Variants in LRRIQ1 observed in about 807,000 individuals in gnomAD.
LRRIQ1 encodes leucine-rich repeat- and IQ domain-containing protein 1.
LRRIQ1 carries 210 observed loss-of-function variants against 211.9 expected under a neutral mutation model. The observed-to-expected ratio is 0.99, with a 90% CI of 0.89 to 1.11. The LOEUF is 1.11. Among genes scored for constraint, LRRIQ1 ranks in the 50% most tolerant of loss-of-function variants. The pLI, the probability that LRRIQ1 is intolerant of heterozygous loss-of-function variation, is 0.00. For synonymous variants in LRRIQ1, 699 were observed against 650.1 expected (o/e 1.08, Z -1.14); for missense variants, 2,136 against 1,939.5 (o/e 1.10, Z -1.90).
rs1174689665 is a variant in LRRIQ1 at position 85,047,174 on chromosome 12, C to T, written c.455-73C>T. ...AATTAAAAAAAAATTAAAAAAATTA[C>T]TTTTATACTTTGAATTAGTTTTGAC... On this transcript the variant is annotated intron_variant, in intron 5 of 26. Transcript: ENST00000393217. The T allele has an allele frequency of 4.5e-6, 5 of 1,110,076 alleles. No individual in the cohort carries two copies. In the East Asian group the frequency reaches 1.0e-4, roughly 22 times the overall value. 68.8% of individuals were successfully genotyped at this position (1,110,076 alleles called of 1,614,324 possible).
chr12:85,200,085 T>C (rs1011910399), intron 24 of LRRIQ1, among the ~76,000 whole-genome samples: 28 of 152,220 alleles, frequency 1.8e-4, no homozygotes, highest in African/African-American at 6.8e-4. Flanking sequence ...ACAATATTGA[T>C]TCTTCCTATG....
chr12:85,236,821 G>GTGCATATATATA, intron 26 of LRRIQ1, among the ~76,000 whole-genome samples: 1 of 87,638 alleles, frequency 1.1e-5, no homozygotes, highest in Non-Finnish European at 2.0e-5. Flanking sequence ...ATATGTATGT[G>GTGCATATATATA]TATGTGTGCA....
At chr12:85,257,050 ATATATAAT>A (rs1252642343) in intron 1 of LRRIQ1, among the ~76,000 whole-genome samples, 13 of 116,018 alleles carry the variant, frequency 1.1e-4, no homozygotes, top group Admixed American at 4.6e-4. Context: ...ATATAATTAT[ATATATAAT>A]TATATAATTA....
intron 15 of LRRIQ1, among the ~76,000 whole-genome samples, chr12:85,119,029 G>A (rs575770433): frequency 4.0e-4 from 61 of 152,078 alleles, no homozygotes; most frequent in African/African-American, 1.4e-3. Context: ...GTCACTCAAT[G>A]CCCGTAGTTT....
intron 24 of LRRIQ1, among the ~76,000 whole-genome samples, chr12:85,202,019 A>G (rs1893324118): frequency 6.6e-6 from 1 of 152,016 alleles, no homozygotes; most frequent in Admixed American, 6.6e-5. Context: ...CAAATAATTG[A>G]TTTCTGCCTT....
intron 26 of LRRIQ1, among the ~76,000 whole-genome samples, chr12:85,243,333 T>G (rs2137267183): frequency 6.8e-6 from 1 of 146,396 alleles, no homozygotes; most frequent in African/African-American, 2.5e-5. Context: ...TTATTATTAT[T>G]ATTATTATTA....
At chr12:85,209,101 G>A (rs927384606) in intron 24 of LRRIQ1, among the ~76,000 whole-genome samples, 1 of 152,168 alleles carries the variant, frequency 6.6e-6, no homozygotes, top group Non-Finnish European at 1.5e-5. Flanking sequence ...AATAGCTCTT[G>A]CATCCTGGAT....
At chr12:85,089,669 G>A (rs1271673611) in intron 11 of LRRIQ1, among the ~76,000 whole-genome samples, 1 of 152,192 alleles carries the variant, frequency 6.6e-6, no homozygotes, top group Non-Finnish European at 1.5e-5. Flanking sequence ...AGCAGCAAAG[G>A]GTTCCAGACT....
intron 7 of LRRIQ1, among the ~76,000 whole-genome samples, chr12:85,054,715 G>A (rs1006021228): frequency 4.6e-5 from 7 of 151,430 alleles, no homozygotes; most frequent in African/African-American, 7.3e-5. Context: ...TAAGTGAGTC[G>A]TTTTTATTTG....
At chr12:85,071,994 A>G (rs1592738659) in intron 10 of LRRIQ1, among the ~76,000 whole-genome samples, 1 of 152,024 alleles carries the variant, frequency 6.6e-6, no homozygotes. Flanking sequence ...GCATGGTAAT[A>G]CTAGTTTCTT....
intron 25 of LRRIQ1, among the ~76,000 whole-genome samples, chr12:85,231,718 T>G (rs1894950320): frequency 6.6e-6 from 1 of 152,060 alleles, no homozygotes; most frequent in Admixed American, 6.6e-5. Flanking sequence ...TGGGAACTAA[T>G]CCAGTCCTGC....
intron 16 of LRRIQ1, among the ~76,000 whole-genome samples, chr12:85,122,100 A>G (rs368437909): frequency 2.2e-3 from 335 of 152,296 alleles, no homozygotes; most frequent in African/African-American, 7.8e-3. Flanking sequence ...ACAATATTAG[A>G]TAAAGAAAAT....
intron 24 of LRRIQ1, among the ~76,000 whole-genome samples, chr12:85,201,602 T>A (rs578147170): frequency 2.6e-5 from 4 of 152,250 alleles, no homozygotes; most frequent in African/African-American, 9.6e-5. Flanking sequence ...TCTCTGAAGG[T>A]TTTTTGTATT....
At chr12:85,074,286 GTTTTA>G (rs1883401278) in intron 11 of LRRIQ1, among the ~76,000 whole-genome samples, 1 of 151,690 alleles carries the variant, frequency 6.6e-6, no homozygotes, top group African/African-American at 2.4e-5. Flanking sequence ...ATTCATACCA[GTTTTA>G]TTTTATTTTT....
chr12:85,170,463 C>T (rs1891363613), intron 24 of LRRIQ1, among the ~76,000 whole-genome samples: 1 of 149,914 alleles, frequency 6.7e-6, no homozygotes, highest in African/African-American at 2.4e-5. Context: ...ATAGTATATG[C>T]ACATATTATA....
chr12:85,260,376 G>A (rs1896250131), intron 1 of LRRIQ1, among the ~76,000 whole-genome samples: 1 of 151,852 alleles, frequency 6.6e-6, no homozygotes, highest in Non-Finnish European at 1.5e-5. Context: ...GTTTTATCAA[G>A]AATATTAACT....
At chr12:85,072,256 C>T (rs718552) in intron 10 of LRRIQ1, among the ~76,000 whole-genome samples, 90,506 of 151,542 alleles carry the variant, frequency 0.6, 29,294 homozygotes, top group African/African-American at 0.86. Context: ...TGATTCTTTT[C>T]AGTTTTATTG....
intron 25 of LRRIQ1, among the ~76,000 whole-genome samples, chr12:85,231,182 A>C (rs1894920782): frequency 6.6e-6 from 1 of 152,234 alleles, no homozygotes; most frequent in Non-Finnish European, 1.5e-5. Flanking sequence ...GTTAAAACTT[A>C]GTTTAACAGC....
At chr12:85,194,624 A>G (rs1892789432) in intron 24 of LRRIQ1, among the ~76,000 whole-genome samples, 1 of 152,026 alleles carries the variant, frequency 6.6e-6, no homozygotes, top group African/African-American at 2.4e-5. Context: ...TTTGAAACCA[A>G]CGAGAACAAA....
Sources: gnomAD v4.1 joint callset for allele counts (sites outside exome capture counted in the v4.1 genomes callset) on GRCh38, gnomAD v4.1.1 for gene constraint, MANE v1.5 for transcripts, NCBI Gene and HGNC (gene_info 2026-07-23, HGNC 2026-07-21) for gene names.